PREPL: variants seen among roughly 807,000 people sequenced by gnomAD.
PREPL encodes prolyl endopeptidase-like.
PREPL carries 77 observed loss-of-function variants against 70.6 expected under a neutral mutation model. The ratio of observed to expected loss-of-function variants is 1.09; its 90% CI spans 0.91 to 1.32. PREPL has a LOEUF of 1.32. PREPL is among the 40% of genes most tolerant of loss of function. The pLI, the probability that PREPL is intolerant of heterozygous loss-of-function variation, is 0.00. For missense variants in PREPL, 1,002 were observed against 778.2 expected (o/e 1.29, Z -3.42); for synonymous variants, 315 against 264.8 (o/e 1.19, Z -1.84).
chr2:44,360,785 A>G (rs1306630050), intron 1 of PREPL: 1 of 152,260 alleles, frequency 6.6e-6, no homozygotes, highest in Non-Finnish European at 1.5e-5. Context: ...GTGACCACTC[A>G]ATAAATGGCA....
intron 1 of PREPL, chr2:44,360,400 A>G (rs1305309778): frequency 6.6e-6 from 1 of 152,172 alleles, no homozygotes; most frequent in East Asian, 1.9e-4. Context: ...TCACTTGTAC[A>G]GTAAGCTGTA....
At position 44,320,636 on chromosome 2, in the gene PREPL, T is replaced by C. The variant is rs1672855406; in HGVS notation, c.*720A>G. 2 of 1,612,714 alleles carry C rather than the reference T, an allele frequency of 1.2e-6. No individual in the cohort carries two copies. Among genetic ancestry groups the C allele is most frequent in the South Asian group, 1.1e-5 (1 of 91,052 alleles). On this transcript the variant is annotated 3_prime_UTR_variant, in exon 14 of 14. Coordinates refer to ENST00000409411, the MANE Select transcript of PREPL (RefSeq NM_001171613.2). ...TACTGAACATACTGTATACCTCGTG[T>C]TAGGCACCTTTATGAAGAGATGAAG...
Position 44,339,238 on chromosome 2 carries a change from T to C in PREPL, c.611A>G (p.Gln204Arg). Reference sequence around the variant, plus strand: ...GTAAAGGACCCCATGTATTCGCTTCTGGATAAGTACTGGTGGGTCCCAAGG... The same window carrying C: ...GTAAAGGACCCCATGTATTCGCTTCCGGATAAGTACTGGTGGGTCCCAAGG... ...LSPWDPPVLI[Q>R]KRIHGVLYYV... The change falls in exon 6 of 14, where the codon CAG (glutamine) becomes CGG (arginine). Residue 204 changes from glutamine to arginine, a missense_variant. Transcript: ENST00000409411. The C allele has an allele frequency of 1.2e-6, 2 of 1,614,162 alleles. No homozygotes were observed. The highest frequency in any genetic ancestry group is 1.7e-6 in the Non-Finnish European group (2 of 1,180,008).
At chr2:44,346,468 T>C (rs942570399) in intron 1 of PREPL, 78 bp from the exon 2 acceptor site, 2 of 1,315,220 alleles carry the variant, frequency 1.5e-6, no homozygotes, top group Non-Finnish European at 2.1e-6. Context: ...TAAGTAGGTC[T>C]ATACCGTAGA....
chr2:44,354,539 C>G (rs941744598), intron 1 of PREPL, among the ~76,000 whole-genome samples: 36 of 152,140 alleles, frequency 2.4e-4, no homozygotes, highest in African/African-American at 8.7e-4. Flanking sequence ...ACTGAAATCT[C>G]CACTTTACTA....
In PREPL at chr2:44,320,119, A is replaced by G. The variant is rs529390790; in HGVS notation, c.*1237T>C. 1.0e-4 allele frequency: 134 copies of G among 1,279,740 alleles called. No individual in the cohort carries two copies. The South Asian group carries it at 1.3e-3, about 13-fold the overall frequency. The allele number at this position is 1,279,740 out of a possible 1,614,324, so 79.3% of individuals were successfully genotyped here. On this transcript the variant is annotated 3_prime_UTR_variant, in exon 14 of 14. Coordinates refer to ENST00000409411, the MANE Select transcript of PREPL (RefSeq NM_001171613.2). ...TTGGAGCAAGTGTTTTGGGTAAATA[A>G]CTCCTTACAATATATTAAAAATACT...
chr2:44,330,926 G>C (rs563584849), intron 8 of PREPL, among the ~76,000 whole-genome samples: 4 of 151,764 alleles, frequency 2.6e-5, no homozygotes, highest in Admixed American at 1.3e-4. Flanking sequence ...CTTGATTTTG[G>C]CCATAATGGC....
chr2:44,322,194 C>G (rs1005284978), intron 12 of PREPL, among the ~76,000 whole-genome samples: 1 of 152,082 alleles, frequency 6.6e-6, no homozygotes, highest in African/African-American at 2.4e-5. Flanking sequence ...GAGTCTTATG[C>G]CCTGGAAACA....
chr2:44,359,912 CTG>C, intron 1 of PREPL: 1 of 544,668 alleles, frequency 1.8e-6, no homozygotes, highest in Non-Finnish European at 3.2e-6. Flanking sequence ...ATCTAAAAAC[CTG>C]TGTAAGTTAA....
chr2:44,332,173 C>A (rs910960877), intron 8 of PREPL, among the ~76,000 whole-genome samples: 1 of 152,038 alleles, frequency 6.6e-6, no homozygotes, highest in African/African-American at 2.4e-5. Flanking sequence ...GTCTCGATCT[C>A]CTGACCTCGT....
chr2:44,361,215 C>T (rs1316621879), intron 1 of PREPL, among the ~76,000 whole-genome samples, 165 bp downstream of exon 1: 1 of 152,140 alleles, frequency 6.6e-6, no homozygotes, highest in Admixed American at 6.5e-5. Flanking sequence ...AACTCTCCAC[C>T]CCAGGGATGA....
chr2:44,330,066 A>G (rs527683633), intron 8 of PREPL, among the ~76,000 whole-genome samples: 1 of 152,290 alleles, frequency 6.6e-6, no homozygotes, highest in East Asian at 1.9e-4. Context: ...ATTCTTCTTT[A>G]AAATACCCAA....
chr2:44,346,205 A>G, intron 2 of PREPL, 63 bp downstream of exon 2: 1 of 1,450,558 alleles, frequency 6.9e-7, no homozygotes, highest in Admixed American at 1.8e-5. Flanking sequence ...ATCACCAAGT[A>G]TCTCATTTGC....
intron 1 of PREPL, among the ~76,000 whole-genome samples, chr2:44,359,191 C>T (rs1170466862): frequency 6.6e-6 from 1 of 151,766 alleles, no homozygotes; most frequent in East Asian, 1.9e-4. Flanking sequence ...CCTCAGCCTC[C>T]CAAGTAGCTG....
At chr2:44,334,865 T>A (rs920398448) in intron 7 of PREPL, among the ~76,000 whole-genome samples, 1 of 152,126 alleles carries the variant, frequency 6.6e-6, no homozygotes, top group African/African-American at 2.4e-5. Context: ...CAGGCTGAGA[T>A]TGAATTTAAA....
At chr2:44,337,119 C>T (rs975600344) in intron 7 of PREPL, among the ~76,000 whole-genome samples, 2 of 152,118 alleles carry the variant, frequency 1.3e-5, no homozygotes, top group African/African-American at 2.4e-5. Context: ...AAATGTATAG[C>T]GCTTTAATAA....
chr2:44,360,411 T>G (rs527436018), intron 1 of PREPL: 52 of 152,342 alleles, frequency 3.4e-4, no homozygotes, highest in African/African-American at 1.3e-3. Flanking sequence ...GTAAGCTGTA[T>G]AGCAAAAAAT....
intron 1 of PREPL, among the ~76,000 whole-genome samples, chr2:44,356,541 TCTCA>T (rs1244218541): frequency 6.8e-4 from 66 of 96,718 alleles, no homozygotes; most frequent in Non-Finnish European, 1.1e-3. Flanking sequence ...CAAGACTCCG[TCTCA>T]AACAAACAAA....
rs764969256 is a variant in PREPL, at chr2:44,343,945, TTGTC to T, written c.145_148del (p.Asp49MetfsTer15). 6.2e-7 allele frequency: 1 copy of T among 1,613,678 alleles called. No individual in the cohort carries two copies. Among genetic ancestry groups the T allele is most frequent in the South Asian group, 1.1e-5 (1 of 91,050 alleles). On this transcript the variant is annotated frameshift_variant and splice_region_variant, in exon 4 of 14. Transcript: ENST00000409411. LOFTEE classifies it high-confidence loss of function. Reference sequence around the variant, plus strand: ...ATTGAATAAAACTTCATAATTATCATTGTCTGCTGTATAAAGAAAAATACGAAAG... The same window carrying T: ...ATTGAATAAAACTTCATAATTATCATTGCTGTATAAAGAAAAATACGAAAG...
Sources: allele counts gnomAD v4.1 joint callset (sites outside exome capture counted in the v4.1 genomes callset), GRCh38; gene constraint gnomAD v4.1.1; transcripts MANE v1.5; gene names NCBI Gene and HGNC (gene_info 2026-07-23, HGNC 2026-07-21).